SHISA9: variants seen among roughly 807,000 people sequenced by gnomAD.
SHISA9 encodes the protein shisa family member 9.
A neutral mutation model predicts 38.0 loss-of-function variants in SHISA9; 13 were observed. That is an observed-to-expected ratio of 0.34 (90% CI 0.22 to 0.54). SHISA9 has a LOEUF of 0.54. Among genes scored for constraint, SHISA9 ranks in the 20% least tolerant of loss-of-function variants. The pLI is 0.91. For synonymous variants in SHISA9, 275 were observed against 242.0 expected (o/e 1.14, Z -1.27); for missense variants, 538 against 575.8 (o/e 0.93, Z 0.67).
intron 2 of SHISA9, among the ~76,000 whole-genome samples, chr16:13,036,240 A>G (rs1469620936): frequency 8.5e-5 from 13 of 152,246 alleles, no homozygotes; most frequent in Admixed American, 8.5e-4. Context: ...AGTAACCCCC[A>G]AATCTATTCA....
chr16:13,187,866 A>C lies in SHISA9; in HGVS notation c.692-15528A>C, dbSNP rs568045693. 1.5e-3 allele frequency among the ~76,000 whole-genome samples: 228 copies of C among 152,272 alleles called. 1 individual carries two copies. The highest frequency in any genetic ancestry group is 5.1e-3 in the African/African-American group (210 of 41,548). ...CACACGTTGACCATGTGCAGCTTCA[A>C]CCTAGATGATGCACAGTGAACATTT... On this transcript the variant is annotated intron_variant, in intron 2 of 4. Coordinates refer to ENST00000558583, the MANE Select transcript of SHISA9 (RefSeq NM_001145204.3).
At chr16:13,041,023 A>T (rs77630010) in intron 2 of SHISA9, among the ~76,000 whole-genome samples, 5,371 of 152,176 alleles carry the variant, frequency 0.035, 133 homozygotes, top group Non-Finnish European at 0.056. Context: ...CCCTTCATCC[A>T]TTCATTCATT....
At chr16:12,984,019 T>C (rs2072275059) in intron 2 of SHISA9, among the ~76,000 whole-genome samples, 1 of 152,206 alleles carries the variant, frequency 6.6e-6, no homozygotes, top group African/African-American at 2.4e-5. Flanking sequence ...TTTTAAAAAA[T>C]GTAAATACTT....
chr16:12,914,573 T>A (rs1476583067), intron 1 of SHISA9, among the ~76,000 whole-genome samples: 1 of 152,166 alleles, frequency 6.6e-6, no homozygotes, highest in Non-Finnish European at 1.5e-5. Flanking sequence ...CTCATTCATA[T>A]GGGGCTCTTG....
intron 2 of SHISA9, among the ~76,000 whole-genome samples, chr16:12,919,577 A>G (rs888854409): frequency 1.3e-5 from 2 of 152,176 alleles, no homozygotes; most frequent in Non-Finnish European, 2.9e-5. Flanking sequence ...GTTTTAGTCA[A>G]ATGGTAAGAT....
intron 2 of SHISA9, among the ~76,000 whole-genome samples, chr16:13,099,189 G>A (rs2073855234): frequency 6.6e-6 from 1 of 152,182 alleles, no homozygotes. Context: ...GAAGTGAGTA[G>A]TTGTGACAAT....
the SHISA9 span, among the ~76,000 whole-genome samples, chr16:13,276,070 GC>G: frequency 1.3e-5 from 2 of 151,556 alleles, no homozygotes; most frequent in Non-Finnish European, 2.9e-5. Flanking sequence ...TTTATCCCTC[GC>G]CCCCTCTGTC....
At chr16:13,385,527 C>G in the SHISA9 span, among the ~76,000 whole-genome samples, 63 of 128,560 alleles carry the variant, frequency 4.9e-4, no homozygotes, top group African/African-American at 1.9e-3. Flanking sequence ...AAGGAACAAA[C>G]TGTGGTATAT....
At chr16:13,021,514 C>T (rs946569155) in intron 2 of SHISA9, among the ~76,000 whole-genome samples, 3 of 152,136 alleles carry the variant, frequency 2.0e-5, no homozygotes, top group Admixed American at 2.0e-4. Context: ...AGTTATCACA[C>T]CCACTAGTAA....
At chr16:13,290,399 G>C in the SHISA9 span, among the ~76,000 whole-genome samples, 3 of 152,012 alleles carry the variant, frequency 2.0e-5, no homozygotes, top group Non-Finnish European at 4.4e-5. Context: ...GCCAAGATGA[G>C]CACACCGAGA....
the SHISA9 span, among the ~76,000 whole-genome samples, chr16:13,452,809 C>T: frequency 6.6e-6 from 1 of 151,784 alleles, no homozygotes; most frequent in East Asian, 2.0e-4. Context: ...TGTCTGGGGC[C>T]TCTGATCTTC....
chr16:13,249,946 C>G, the SHISA9 span, among the ~76,000 whole-genome samples: 98 of 152,268 alleles, frequency 6.4e-4, no homozygotes, highest in Non-Finnish European at 1.1e-3. Flanking sequence ...GTTGCCCAGA[C>G]TGGTCTTGAA....
chr16:13,441,675 G>T, the SHISA9 span, among the ~76,000 whole-genome samples: 3 of 152,132 alleles, frequency 2.0e-5, no homozygotes, highest in Non-Finnish European at 2.9e-5. Context: ...GCCCCCACTG[G>T]ACTGCCCTGT....
chr16:13,526,457 C>T, the SHISA9 span, among the ~76,000 whole-genome samples: 1 of 152,188 alleles, frequency 6.6e-6, no homozygotes, highest in African/African-American at 2.4e-5. Context: ...GATCTCAGCT[C>T]ACTGCCACCT....
At chr16:13,529,637 C>A in the SHISA9 span, among the ~76,000 whole-genome samples, 3 of 152,224 alleles carry the variant, frequency 2.0e-5, no homozygotes, top group Non-Finnish European at 4.4e-5. Context: ...CGCATATTGG[C>A]TCAGAATAAA....
intron 2 of SHISA9, among the ~76,000 whole-genome samples, chr16:13,154,299 G>T (rs986185477): frequency 6.6e-6 from 1 of 152,182 alleles, no homozygotes; most frequent in African/African-American, 2.4e-5. Flanking sequence ...AAGCACAAGA[G>T]AATTTCCCTG....
chr16:13,320,171 G>T, the SHISA9 span, among the ~76,000 whole-genome samples: 3 of 151,408 alleles, frequency 2.0e-5, no homozygotes, highest in African/African-American at 7.3e-5. Context: ...TGCACCTGTA[G>T]TCCCAGCTAC....
the SHISA9 span, among the ~76,000 whole-genome samples, chr16:13,428,238 T>C: frequency 6.6e-6 from 1 of 152,102 alleles, no homozygotes; most frequent in Non-Finnish European, 1.5e-5. Flanking sequence ...CCTTCTAACC[T>C]AGCATAATGA....
the SHISA9 span, among the ~76,000 whole-genome samples, chr16:13,456,825 C>T: frequency 6.6e-6 from 1 of 152,214 alleles, no homozygotes; most frequent in South Asian, 2.1e-4. Context: ...AGGTAATTGT[C>T]CAAAGCTGGG....
Sources: gnomAD v4.1 joint callset for allele counts (sites outside exome capture counted in the v4.1 genomes callset) on GRCh38, gnomAD v4.1.1 for gene constraint, MANE v1.5 for transcripts, NCBI Gene and HGNC (gene_info 2026-07-23, HGNC 2026-07-21) for gene names.